VIT: variants seen among roughly 807,000 people sequenced by gnomAD.
The protein encoded by VIT is vitrin.
In VIT, 99 loss-of-function variants were observed where a neutral mutation model predicts 78.0. The observed-to-expected ratio is 1.27, with a 90% CI of 1.08 to 1.50. The LOEUF (loss-of-function observed/expected upper bound fraction) is 1.50. Ranked by LOEUF, VIT falls within the 40% of genes most tolerant of loss-of-function variation. The pLI is 0.00. For missense variants in VIT, 1,126 were observed against 875.3 expected (o/e 1.29, Z -3.61); for synonymous variants, 374 against 334.3 (o/e 1.12, Z -1.29).
chr2:36,697,705 A>G (rs372228905), intron 1 of VIT, among the ~76,000 whole-genome samples: 12 of 152,232 alleles, frequency 7.9e-5, no homozygotes, highest in East Asian at 3.8e-4. Flanking sequence ...AAGAGAGAGG[A>G]TAAGACTGAA....
chr2:36,812,593 T>G (rs972235698), intron 15 of VIT, among the ~76,000 whole-genome samples: 2 of 152,132 alleles, frequency 1.3e-5, no homozygotes, highest in Non-Finnish European at 2.9e-5. Context: ...ACCTGCAGTC[T>G]TATTTTACTC....
intron 12 of VIT, among the ~76,000 whole-genome samples, chr2:36,797,099 A>ATTTT (rs34401995): frequency 7.0e-6 from 1 of 142,498 alleles, no homozygotes. Context: ...GTTTCAACCA[A>ATTTT]TTTTTTTTTT....
At chr2:36,804,480 A>G (rs367549093) in intron 13 of VIT, among the ~76,000 whole-genome samples, 41 of 152,158 alleles carry the variant, frequency 2.7e-4, no homozygotes, top group African/African-American at 9.2e-4. Flanking sequence ...TGGAAACAAC[A>G]TGGGGCTGGC....
rs762101650 is a variant in VIT at position 36,773,795 on chromosome 2, C to G, written c.684C>G (p.Leu228=). 1.3e-6 allele frequency: 2 copies of G among 1,599,166 alleles called. No homozygotes were observed. The highest frequency in any genetic ancestry group is 1.7e-6 in the Non-Finnish European group (2 of 1,171,306). ...SVGHRSQEMD[L]WSTATYTSSQ... ...ACCAGTCAAATGTCCTTACAGATCT[C>G]TGGTCCACTGCCACCTACACAAGCA... The change falls in exon 8 of 16, where the codon CTC becomes CTG. Residue 228 remains leucine, a synonymous_variant. Transcript: ENST00000379242.
chr2:36,729,112 A>G (rs1667038676), intron 2 of VIT, among the ~76,000 whole-genome samples: 1 of 152,236 alleles, frequency 6.6e-6, no homozygotes, highest in African/African-American at 2.4e-5. Flanking sequence ...AATTGTTTAC[A>G]GTATTCAGTA....
intron 4 of VIT, among the ~76,000 whole-genome samples, chr2:36,753,288 T>C (rs1668576130): frequency 6.6e-6 from 1 of 152,088 alleles, no homozygotes; most frequent in Non-Finnish European, 1.5e-5. Flanking sequence ...TGGGATGATC[T>C]GTGCAGCAAA....
chr2:36,814,421 C>A lies in VIT; in HGVS notation c.*60C>A, dbSNP rs186110245. On this transcript the variant is annotated 3_prime_UTR_variant, in exon 16 of 16. Coordinates refer to ENST00000379242, the MANE Select transcript of VIT (RefSeq NM_053276.4). Reference sequence around the variant, plus strand: ...TTACTAACTGACGTGTTGGACCACCCCACCGCTTAATGGGGCACGCACGGT... The same window carrying A: ...TTACTAACTGACGTGTTGGACCACCACACCGCTTAATGGGGCACGCACGGT... 3.6e-5 allele frequency: 58 copies of A among 1,593,884 alleles called. No homozygotes were observed. The African/African-American group carries it at 6.7e-4, about 18-fold the overall frequency.
intron 2 of VIT, among the ~76,000 whole-genome samples, chr2:36,724,727 C>A (rs12466463): frequency 6.6e-6 from 1 of 151,954 alleles, no homozygotes; most frequent in South Asian, 2.1e-4. Context: ...TGTTTTCAGC[C>A]TAAAAGGTCT....
intron 12 of VIT, among the ~76,000 whole-genome samples, chr2:36,789,558 G>T (rs1174543099): frequency 1.3e-5 from 2 of 152,140 alleles, no homozygotes; most frequent in Non-Finnish European, 2.9e-5. Context: ...ATGAGGCTGA[G>T]GGGGAGACAC....
chr2:36,734,078 T>C (rs960902865), intron 3 of VIT, among the ~76,000 whole-genome samples: 4 of 152,186 alleles, frequency 2.6e-5, no homozygotes, highest in Admixed American at 6.5e-5. Context: ...ACCTTTCGTC[T>C]CACCCAGCCC....
Position 36,808,793 on chromosome 2 carries a change from C to T in VIT, c.1711C>T (p.Pro571Ser), listed in dbSNP as rs761574635. ...EFGFDKYSSKPDILNAIKRVG... is the reference protein window; with the variant it reads ...EFGFDKYSSKSDILNAIKRVG... ...TGGGTTCGACAAGTACAGCAGCAAG[C>T]CTGACATCCTCAACGCCATCAAGAG... The change falls in exon 15 of 16, where the codon CCT (proline) becomes TCT (serine). Residue 571 changes from proline to serine, a missense_variant. Pro to Ser is a moderately conservative substitution (Grantham distance 74). Coordinates refer to ENST00000379242, the MANE Select transcript of VIT (RefSeq NM_053276.4). The T allele has an allele frequency of 3.2e-5, 52 of 1,613,988 alleles. No homozygotes were observed. The South Asian group carries it at 5.6e-4, about 17-fold the overall frequency.
At chr2:36,798,581 C>T (rs1426275079) in intron 12 of VIT, among the ~76,000 whole-genome samples, 1 of 151,938 alleles carries the variant, frequency 6.6e-6, no homozygotes, top group Non-Finnish European at 1.5e-5. Context: ...ATAGTGAAAC[C>T]CCGTCTCTAT....
chr2:36,807,233 T>C (rs1174283479), intron 14 of VIT, among the ~76,000 whole-genome samples: 1 of 152,220 alleles, frequency 6.6e-6, no homozygotes, highest in Non-Finnish European at 1.5e-5. Context: ...CCCTCAGTCC[T>C]GTGGGGTCCT....
intron 1 of VIT, among the ~76,000 whole-genome samples, chr2:36,707,782 C>T (rs113245466): frequency 2.3e-3 from 343 of 151,616 alleles, no homozygotes; most frequent in African/African-American, 7.9e-3. Flanking sequence ...TCTTAGGAAC[C>T]ACCATACTGA....
intron 9 of VIT, among the ~76,000 whole-genome samples, chr2:36,781,096 T>C (rs1261729586): frequency 6.6e-6 from 1 of 152,224 alleles, no homozygotes; most frequent in African/African-American, 2.4e-5. Flanking sequence ...TTTATTCTGC[T>C]TGAGTCACAC....
Position 36,787,048 on chromosome 2 carries a change from T to C in VIT, c.911-81T>C, listed in dbSNP as rs1355163523. The C allele has an allele frequency of 2.6e-6, 4 of 1,546,080 alleles. No individual in the cohort carries two copies. The East Asian group carries it at 9.0e-5, about 35-fold the overall frequency. On this transcript the variant is annotated intron_variant, in intron 11 of 15. Transcript: ENST00000379242. ...CTTTTCATTTCTCAGGGGGCTCTGA[T>C]GGAGAAAGAGGAACAAGAGGATGCC...
chr2:36,699,061 T>C (rs183301001), intron 1 of VIT, among the ~76,000 whole-genome samples: 9 of 152,122 alleles, frequency 5.9e-5, no homozygotes, highest in Admixed American at 5.2e-4. Flanking sequence ...GCCCCCAACA[T>C]GTTCCCATGA....
chr2:36,720,481 T>C (rs1377013624), intron 2 of VIT, among the ~76,000 whole-genome samples: 2 of 152,168 alleles, frequency 1.3e-5, no homozygotes, highest in Non-Finnish European at 2.9e-5. Flanking sequence ...ACTGTACATA[T>C]ACAATGGAAT....
At chr2:36,813,778 G>A (rs1379249368) in intron 15 of VIT, among the ~76,000 whole-genome samples, 1 of 152,148 alleles carries the variant, frequency 6.6e-6, no homozygotes, top group Non-Finnish European at 1.5e-5. Context: ...GGTAGAGCAG[G>A]CATGTGTCAT....
Sources: allele counts gnomAD v4.1 joint callset (sites outside exome capture counted in the v4.1 genomes callset), GRCh38; gene constraint gnomAD v4.1.1; transcripts MANE v1.5; gene names NCBI Gene and HGNC (gene_info 2026-07-23, HGNC 2026-07-21).